The following SHROOM2 variants were observed in gnomAD, a reference collection of about 807,000 sequenced individuals.
The protein encoded by SHROOM2 is shroom family member 2, also known as protein Shroom2.
Under a neutral mutation model 75.9 loss-of-function variants are expected in SHROOM2, and 33 were observed. The observed-to-expected ratio is 0.43, with a 90% CI of 0.33 to 0.58. SHROOM2 has a LOEUF of 0.58. SHROOM2 is among the 20% of genes least tolerant of loss of function. SHROOM2 has a pLI of 0.04. For synonymous variants in SHROOM2, 655 were observed against 663.6 expected (o/e 0.99, Z 0.20); for missense variants, 1,434 against 1,461.2 (o/e 0.98, Z 0.30).
intron 1 of SHROOM2, among the ~76,000 whole-genome samples, chrX:9,870,048 A>G (rs1449761219): frequency 9.0e-6 from 1 of 111,359 alleles, no homozygotes; most frequent in Non-Finnish European, 1.9e-5. Context: ...GGAGACCCCC[A>G]TCTCTACAAA....
intron 1 of SHROOM2, among the ~76,000 whole-genome samples, chrX:9,823,320 G>A (rs1435720474): frequency 9.2e-6 from 1 of 108,886 alleles, no homozygotes; most frequent in Non-Finnish European, 1.9e-5. Flanking sequence ...ATTGGTCACT[G>A]CAGCCTTAAA....
intron 1 of SHROOM2, among the ~76,000 whole-genome samples, chrX:9,827,752 T>C (rs958965361): frequency 9.1e-6 from 1 of 110,193 alleles, no homozygotes; most frequent in Admixed American, 9.7e-5. Flanking sequence ...TGCTGCTGTG[T>C]GGGGAGGTGG....
At chrX:9,912,777 C>T (rs1052083450) in intron 5 of SHROOM2, 2 of 111,906 alleles carry the variant, frequency 1.8e-5, no homozygotes, top group Non-Finnish European at 3.8e-5. Context: ...GTGAGGTCGG[C>T]GAATGTGTTC....
At chrX:9,829,977 TTAGC>T (rs1273628091) in intron 1 of SHROOM2, among the ~76,000 whole-genome samples, 2 of 111,636 alleles carry the variant, frequency 1.8e-5, no homozygotes, top group African/African-American at 6.5e-5. Flanking sequence ...TTAAGAATCA[TTAGC>T]TAATGGTTTC....
intron 5 of SHROOM2, among the ~76,000 whole-genome samples, chrX:9,898,767 C>A (rs754148774): frequency 1.1e-4 from 12 of 111,672 alleles, no homozygotes; most frequent in African/African-American, 3.9e-4. Context: ...CTAAATTGGA[C>A]CTAGTTAATG....
Position 9,896,424 on chromosome X carries a change from C to T in SHROOM2, c.2516C>T (p.Thr839Met), listed in dbSNP as rs1255700211. The change falls in exon 4 of 10, where the codon ACG becomes ATG. Residue 839 changes from threonine (T) to methionine (M), a missense_variant. Transcript: ENST00000380913. ...PRTAGRTCEG[T>M]EPWSRTTSLG... The stretch of plus-strand genomic sequence containing the variant: ...ACAGCGGGCCGCACATGTGAGGGCA[C>T]GGAGCCCTGGTCGCGCACCACCTCC... 4.1e-6 allele frequency: 5 copies of T among 1,212,070 alleles called. No homozygotes were observed. The highest frequency in any genetic ancestry group is 5.9e-5 in the East Asian group (2 of 33,871).
At chrX:9,897,672 C>A (rs1353919909) in intron 4 of SHROOM2, among the ~76,000 whole-genome samples, 1 of 76,220 alleles carries the variant, frequency 1.3e-5, no homozygotes, top group African/African-American at 5.4e-5. Flanking sequence ...AAGAGCAAGA[C>A]CCTGTCTCAA....
At chrX:9,875,693 A>G (rs751609047) in intron 2 of SHROOM2, among the ~76,000 whole-genome samples, 26 of 112,692 alleles carry the variant, frequency 2.3e-4, no homozygotes, top group African/African-American at 8.0e-4. Flanking sequence ...GTTCAGAGAC[A>G]TTTCTGAGTT....
At chrX:9,850,879 T>A (rs1221534779) in intron 1 of SHROOM2, among the ~76,000 whole-genome samples, 7 of 107,767 alleles carry the variant, frequency 6.5e-5, no homozygotes, top group Non-Finnish European at 1.3e-4. Context: ...TGTACCCTGG[T>A]ATTGATAAGT....
chrX:9,848,058 C>A (rs1665223647), intron 1 of SHROOM2, among the ~76,000 whole-genome samples: 1 of 111,583 alleles, frequency 9.0e-6, no homozygotes, highest in African/African-American at 3.3e-5. Context: ...TGTCTGAGGG[C>A]GAATGTTGTG....
At chrX:9,806,492 G>A (rs1419788628) in intron 1 of SHROOM2, among the ~76,000 whole-genome samples, 1 of 104,655 alleles carries the variant, frequency 9.6e-6, no homozygotes, top group African/African-American at 3.7e-5. Flanking sequence ...ATATATATGT[G>A]TATATATATG....
chrX:9,930,304 C>T (rs1044607509), intron 5 of SHROOM2, among the ~76,000 whole-genome samples: 1 of 110,776 alleles, frequency 9.0e-6, no homozygotes, highest in Non-Finnish European at 1.9e-5. Context: ...TCCCTTGAGT[C>T]CAGGAGTTTG....
chrX:9,882,434 A>G (rs1410815300), intron 2 of SHROOM2, among the ~76,000 whole-genome samples: 5 of 111,443 alleles, frequency 4.5e-5, no homozygotes, highest in African/African-American at 1.6e-4. Flanking sequence ...TGATGATTTG[A>G]CACCTGGGGC....
chrX:9,844,907 G>A (rs772961169), intron 1 of SHROOM2, among the ~76,000 whole-genome samples: 15 of 111,898 alleles, frequency 1.3e-4, no homozygotes, highest in African/African-American at 4.5e-4. Context: ...GTGCTCCTGC[G>A]TTCCTCTCAA....
chrX:9,805,223 C>T (rs1396457164), intron 1 of SHROOM2, among the ~76,000 whole-genome samples: 4 of 110,698 alleles, frequency 3.6e-5, no homozygotes, highest in African/African-American at 6.6e-5. Flanking sequence ...CCAGCCTGGG[C>T]GACAGAGCGA....
In SHROOM2 at chrX:9,934,077, C is replaced by T. The variant is rs190690207; in HGVS notation, c.3587+1207C>T. ...CGGCCCCCACAGAGCATTGTCCGAC[C>T]GCAGATGCCAGCTGCTCTTAGGCTG... is the stretch of plus-strand genomic sequence containing the variant. On this transcript the variant is annotated intron_variant, in intron 6 of 9. Coordinates refer to ENST00000380913, the MANE Select transcript of SHROOM2 (RefSeq NM_001649.4). Among the ~76,000 whole-genome samples the T allele has an allele frequency of 4.0e-3, 445 of 111,648 alleles. 3 individuals carry two copies. The highest frequency in any genetic ancestry group is 0.013 in the African/African-American group (407 of 30,744).
At chrX:9,854,931 C>T (rs781245168) in intron 1 of SHROOM2, among the ~76,000 whole-genome samples, 2 of 110,842 alleles carry the variant, frequency 1.8e-5, no homozygotes, top group South Asian at 7.6e-4. Flanking sequence ...TCAAAGAATG[C>T]CACGGGTGAG....
chrX:9,842,550 G>T (rs917344259), intron 1 of SHROOM2, among the ~76,000 whole-genome samples: 1 of 112,369 alleles, frequency 8.9e-6, no homozygotes, highest in African/African-American at 3.2e-5. Flanking sequence ...GGCTCCGCAG[G>T]TGCCTCCCTC....
intron 7 of SHROOM2, among the ~76,000 whole-genome samples, chrX:9,938,600 C>CAAAT (rs1414478429): frequency 8.9e-6 from 1 of 112,335 alleles, no homozygotes; most frequent in Non-Finnish European, 1.9e-5. Flanking sequence ...CCTGCCTGAA[C>CAAAT]AAATGTATTT....
Sources: allele counts gnomAD v4.1 joint callset (sites outside exome capture counted in the v4.1 genomes callset), GRCh38; gene constraint gnomAD v4.1.1; transcripts MANE v1.5; gene names NCBI Gene and HGNC (gene_info 2026-07-23, HGNC 2026-07-21).